NBEA: variants seen among roughly 807,000 people sequenced by gnomAD.
NBEA encodes the protein neurobeachin.
A neutral mutation model predicts 343.4 loss-of-function variants in NBEA; 44 were observed. The ratio of observed to expected loss-of-function variants is 0.13; its 90% CI spans 0.10 to 0.16. The LOEUF (loss-of-function observed/expected upper bound fraction) is 0.16, where lower values mean the gene tolerates loss of function less well. NBEA is among the 10% of genes least tolerant of loss of function. The pLI, the probability that NBEA is intolerant of heterozygous loss-of-function variation, is 1.00. For missense variants in NBEA, 2,555 were observed against 3,631.3 expected, an observed-to-expected ratio of 0.70 and a Z score of 7.62; for synonymous variants, 1,175 against 1,238.7, an observed-to-expected ratio of 0.95 and a Z score of 1.08.
At chr13:34,954,281 A>G (rs1007270985) in intron 1 of NBEA, among the ~76,000 whole-genome samples, 2 of 152,184 alleles carry the variant, frequency 1.3e-5, no homozygotes, top group African/African-American at 4.8e-5. Flanking sequence ...AGAGATATCA[A>G]GGGACAACTG....
intron 33 of NBEA, among the ~76,000 whole-genome samples, chr13:35,216,570 C>A (rs2074077436): frequency 6.6e-6 from 1 of 151,842 alleles, no homozygotes; most frequent in Non-Finnish European, 1.5e-5. Context: ...ACAGTTTTAC[C>A]TGTATTGTAC....
At chr13:35,376,824 C>T (rs1052792451) in intron 38 of NBEA, among the ~76,000 whole-genome samples, 2 of 152,114 alleles carry the variant, frequency 1.3e-5, no homozygotes, top group African/African-American at 4.8e-5. Context: ...TGCTGTAATA[C>T]AGGGAGGCTG....
chr13:35,264,290 C>G (rs529741802), intron 34 of NBEA, among the ~76,000 whole-genome samples: 6 of 151,860 alleles, frequency 4.0e-5, no homozygotes, highest in African/African-American at 1.4e-4. Context: ...AAGAAAAGCC[C>G]AGGATCTGAT....
intron 11 of NBEA, among the ~76,000 whole-genome samples, chr13:35,104,689 C>T (rs1377999262): frequency 6.6e-6 from 1 of 151,806 alleles, no homozygotes. Context: ...TTTATATCTC[C>T]TTGTCATAGA....
intron 17 of NBEA, among the ~76,000 whole-genome samples, chr13:35,130,585 T>A (rs1593447038): frequency 6.6e-6 from 1 of 152,158 alleles, no homozygotes; most frequent in African/African-American, 2.4e-5. Context: ...AAATCTATTA[T>A]TGACTAAATT....
At chr13:35,657,251 T>A (rs1005253048) in intron 55 of NBEA, among the ~76,000 whole-genome samples, 1 of 152,218 alleles carries the variant, frequency 6.6e-6, no homozygotes, top group Non-Finnish European at 1.5e-5. Flanking sequence ...AAACTAGGTG[T>A]GTTGTAAAAT....
chr13:35,494,846 C>CA (rs1351504075), intron 41 of NBEA, among the ~76,000 whole-genome samples: 1 of 151,534 alleles, frequency 6.6e-6, no homozygotes, highest in Non-Finnish European at 1.5e-5. Flanking sequence ...TCCATCTCTA[C>CA]AAAAAATAGA....
intron 33 of NBEA, among the ~76,000 whole-genome samples, chr13:35,227,676 C>G (rs1484130008): frequency 6.6e-6 from 1 of 151,960 alleles, no homozygotes; most frequent in East Asian, 1.9e-4. Context: ...GCACTCTAAT[C>G]TTTCAAATCG....
At chr13:35,608,614 G>C (rs2082381437) in intron 48 of NBEA, among the ~76,000 whole-genome samples, 1 of 152,132 alleles carries the variant, frequency 6.6e-6, no homozygotes, top group African/African-American at 2.4e-5. Flanking sequence ...ATGAATTAAT[G>C]AATTATAGAG....
At chr13:35,184,173 C>CCTG in intron 30 of NBEA, 102 bp downstream of exon 30, 1 of 781,310 alleles carries the variant, frequency 1.3e-6, no homozygotes, top group Non-Finnish European at 1.9e-6. Context: ...AAGTATATAC[C>CCTG]TCAGGTTTCA....
chr13:35,597,966 C>T (rs1220034508), intron 47 of NBEA, among the ~76,000 whole-genome samples: 8 of 152,162 alleles, frequency 5.3e-5, no homozygotes, highest in Non-Finnish European at 1.2e-4. Flanking sequence ...CAGTCTACCA[C>T]AGTCCTCCGA....
intron 1 of NBEA, among the ~76,000 whole-genome samples, chr13:35,000,797 TA>T (rs1451934735): frequency 6.6e-6 from 1 of 151,902 alleles, no homozygotes; most frequent in African/African-American, 2.4e-5. Context: ...ATTGTTTTTT[TA>T]AAAACCTAAA....
At chr13:35,505,989 A>T (rs539933839) in intron 41 of NBEA, among the ~76,000 whole-genome samples, 1 of 152,310 alleles carries the variant, frequency 6.6e-6, no homozygotes, top group African/African-American at 2.4e-5. Context: ...AAATTCCTTT[A>T]ATCACTTAAC....
rs987811199 is a variant in NBEA, at chr13:35,670,812, A to C, written c.8814-89A>C. 4.6e-6 allele frequency: 4 copies of C among 866,672 alleles called. No homozygotes were observed. The African/African-American group carries it at 6.7e-5, about 15-fold the overall frequency. 53.7% of individuals were successfully genotyped at this position (866,672 alleles called of 1,614,324 possible). ...AGATCGTGATATTGTCTAGTGTAAA[A>C]TGCCAAACTTTGAGATACTGTCTAG... On this transcript the variant is annotated intron_variant, in intron 58 of 58. Coordinates refer to ENST00000379939, the MANE Select transcript of NBEA (RefSeq NM_001385012.1).
chr13:35,143,144 G>T (rs2068189240), intron 18 of NBEA, among the ~76,000 whole-genome samples: 1 of 152,100 alleles, frequency 6.6e-6, no homozygotes, highest in African/African-American at 2.4e-5. Context: ...ATCAAAAAAA[G>T]AATAATATAT....
intron 46 of NBEA, 84 bp from the exon 47 acceptor site, chr13:35,593,244 T>C: frequency 6.8e-7 from 1 of 1,464,030 alleles, no homozygotes; most frequent in Non-Finnish European, 9.3e-7. Flanking sequence ...TCTTGAAGGA[T>C]TTTCAAGATA....
chr13:35,407,655 AC>A (rs1388871268), intron 38 of NBEA, among the ~76,000 whole-genome samples: 2 of 152,168 alleles, frequency 1.3e-5, no homozygotes, highest in Non-Finnish European at 2.9e-5. Flanking sequence ...GTATAAATAT[AC>A]CTTGTCCTTT....
intron 1 of NBEA, among the ~76,000 whole-genome samples, chr13:34,992,684 T>C (rs1425848177): frequency 6.6e-6 from 1 of 151,450 alleles, no homozygotes; most frequent in Non-Finnish European, 1.5e-5. Context: ...TATTTATTTA[T>C]TTTTTTGAGA....
rs34695174 is a variant in NBEA at position 35,564,324 on chromosome 13, T to TA, written c.6923-2574dup. Among the ~76,000 whole-genome samples the TA allele has an allele frequency of 6.4e-4, 97 of 152,052 alleles. 2 individuals are homozygous for TA. The highest frequency in any genetic ancestry group is 6.8e-3 in the Middle Eastern group (2 of 294). On this transcript the variant is annotated intron_variant, in intron 44 of 58. Transcript: ENST00000379939. ...ATAGGTAGCATCAGCATTATTCTAT[T>TA]AAAAAAATATACACTGGAATACTTG...
Sources: gnomAD v4.1 joint callset for allele counts (sites outside exome capture counted in the v4.1 genomes callset) on GRCh38, gnomAD v4.1.1 for gene constraint, MANE v1.5 for transcripts, NCBI Gene and HGNC (gene_info 2026-07-23, HGNC 2026-07-21) for gene names.